The following APOLD1 variants were observed in gnomAD, a reference collection of about 807,000 sequenced individuals.
The protein encoded by APOLD1 is apolipoprotein L domain-containing protein 1.
In APOLD1, 22 loss-of-function variants were observed where a neutral mutation model predicts 15.3. The ratio of observed to expected loss-of-function variants is 1.44; its 90% CI spans 1.03 to 2.05. APOLD1 has a LOEUF of 2.05. APOLD1 is among the 30% of genes most tolerant of loss of function. The pLI, the probability that APOLD1 is intolerant of heterozygous loss-of-function variation, is 0.00. For missense variants in APOLD1, 394 were observed against 353.5 expected, an observed-to-expected ratio of 1.11 and a Z score of -0.92; for synonymous variants, 190 against 167.4, an observed-to-expected ratio of 1.13 and a Z score of -1.04.
chr12:12,735,777 A>G (rs188821558), intron 1 of APOLD1, among the ~76,000 whole-genome samples: 2,105 of 151,592 alleles, frequency 0.014, 21 homozygotes, highest in Non-Finnish European at 0.023. Context: ...CATTTCTACA[A>G]TAAATAAATA....
intron 1 of APOLD1, among the ~76,000 whole-genome samples, chr12:12,776,015 A>C (rs1249236747): frequency 6.6e-6 from 1 of 150,680 alleles, no homozygotes; most frequent in Non-Finnish European, 1.5e-5. Flanking sequence ...AAAAAAAAAA[A>C]AAAAAAAAAA....
chr12:12,740,208 C>T (rs911208965), intron 1 of APOLD1, among the ~76,000 whole-genome samples: 1 of 152,144 alleles, frequency 6.6e-6, no homozygotes, highest in Non-Finnish European at 1.5e-5. Context: ...GTCTTGATCT[C>T]CTGACCTCGT....
At chr12:12,739,999 T>G (rs907443954) in intron 1 of APOLD1, among the ~76,000 whole-genome samples, 296 of 119,648 alleles carry the variant, frequency 2.5e-3, no homozygotes, top group Admixed American at 4.9e-3. Flanking sequence ...TTTTTTTTTT[T>G]GGGATGGAGA....
chr12:12,761,207 T>C (rs1421464900), intron 1 of APOLD1, among the ~76,000 whole-genome samples: 3 of 152,226 alleles, frequency 2.0e-5, no homozygotes, highest in Non-Finnish European at 4.4e-5. Flanking sequence ...GTTCAAACAG[T>C]TAGAAATTGT....
intron 1 of APOLD1, among the ~76,000 whole-genome samples, chr12:12,746,510 A>AATAAATAAATGAATAC (rs57489224): frequency 6.7e-6 from 1 of 149,838 alleles, no homozygotes; most frequent in African/African-American, 2.5e-5. Context: ...TAAATAAATA[A>AATAAATAAATGAATAC]ATAAATACAT....
At chr12:12,765,082 G>T (rs187843683) in intron 1 of APOLD1, among the ~76,000 whole-genome samples, 1 of 152,148 alleles carries the variant, frequency 6.6e-6, no homozygotes, top group South Asian at 2.1e-4. Flanking sequence ...TTATGCAAGG[G>T]AGTGCTGGGA....
chr12:12,785,678 G>A lies in APOLD1; in HGVS notation c.-14G>A. 6.2e-7 allele frequency: 1 copy of A among 1,614,166 alleles called. No individual in the cohort carries two copies. The highest frequency in any genetic ancestry group is 8.5e-7 in the Non-Finnish European group (1 of 1,179,994). ...AGCCTCAGATTTTACTTTCCTGGAG[G>A]CAGACAGAAGTGAATGGTAAGTGGG... is the stretch of plus-strand genomic sequence containing the variant. On this transcript the variant is annotated 5_prime_UTR_variant, in exon 1 of 2. Coordinates refer to ENST00000356591, the MANE Select transcript of APOLD1 (RefSeq NM_030817.3).
At chr12:12,756,236 G>A (rs1439424386) in intron 1 of APOLD1, among the ~76,000 whole-genome samples, 1 of 152,214 alleles carries the variant, frequency 6.6e-6, no homozygotes, top group East Asian at 1.9e-4. Flanking sequence ...GTTAATGCCA[G>A]CAATCGATTT....
In APOLD1 at chr12:12,787,046, C is replaced by T; in HGVS notation, c.141C>T (p.Arg47=). The change falls in exon 2 of 2, where the codon CGC becomes CGT. Residue 47 remains arginine, a synonymous_variant. Transcript: ENST00000356591. The surrounding 1 kb of genome is among the most constrained non-coding windows in gnomAD (Gnocchi z 4.9). The part of the protein sequence containing the change: ...RLREVARRLE[R]LRRRSLVANV... ...GCGAGGTGGCCCGGCGCCTGGAGCG[C>T]CTGCGCAGGCGCTCCCTCGTAGCCA... The T allele has an allele frequency of 7.3e-7, 1 of 1,371,328 alleles. No homozygotes were observed. Among genetic ancestry groups the T allele is most frequent in the African/African-American group, 1.5e-5 (1 of 65,096 alleles). 84.9% of individuals were successfully genotyped at this position (1,371,328 alleles called of 1,614,324 possible).
At chr12:12,725,931 CG>C (rs1490255322) in exon 1 of APOLD1, 14 of 1,293,200 alleles carry the variant, frequency 1.1e-5, no homozygotes, top group East Asian at 2.8e-5. Context: ...TGCAGGCAGG[CG>C]GGGGTGCGCG....
At chr12:12,742,290 C>G (rs1946734145) in intron 1 of APOLD1, among the ~76,000 whole-genome samples, 1 of 152,128 alleles carries the variant, frequency 6.6e-6, no homozygotes, top group Non-Finnish European at 1.5e-5. Context: ...TTGCAACTGT[C>G]AAAGGACATT....
At position 12,757,436 on chromosome 12, in the gene APOLD1, C is replaced by T. The variant is rs550869608; in HGVS notation, c.97-29473C>T. Among the ~76,000 whole-genome samples, 3 of 152,288 alleles carry T rather than the reference C, an allele frequency of 2.0e-5. No individual in the cohort carries two copies. The South Asian group carries it at 6.2e-4, about 32-fold the overall frequency. On this transcript the variant is annotated intron_variant, in intron 1 of 1. Transcript: ENST00000326765. ...AGAGAGGCACATTGAAGAACCAGTC[C>T]AGCCCATGCTTTAAAAAGTAATAAC... is the stretch of plus-strand genomic sequence containing the variant.
rs541672521 is a variant in APOLD1, at chr12:12,786,965, C to T, written c.60C>T (p.Phe20=). 4.8e-6 allele frequency: 7 copies of T among 1,459,130 alleles called. No individual in the cohort carries two copies. In the African/African-American group the frequency reaches 5.9e-5, roughly 12 times the overall value. 90.4% of individuals were successfully genotyped at this position (1,459,130 alleles called of 1,614,324 possible). A position where few individuals can be genotyped will look rare whatever the true frequency, so the allele number is the denominator to read the frequency against. The part of the protein sequence containing the change: ...EPHGPDALRR[F]QGLLLDRRGR... ...ATGGGCCCGACGCGCTGCGGCGCTT[C>T]CAGGGACTGCTGCTGGACCGCCGAG... Residue 20 remains phenylalanine (F), a synonymous_variant, in exon 2 of 2, where the codon TTC becomes TTT. Transcript: ENST00000356591.
chr12:12,728,413 C>T (rs575898346), intron 1 of APOLD1, among the ~76,000 whole-genome samples: 4 of 152,190 alleles, frequency 2.6e-5, no homozygotes, highest in African/African-American at 9.6e-5. Flanking sequence ...CACCTGTAAT[C>T]CGCACACTTT....
rs184139095 is a variant in APOLD1 at position 12,758,653 on chromosome 12, G to A, written c.97-28256G>A. On this transcript the variant is annotated intron_variant, in intron 1 of 1. Coordinates refer to the APOLD1 transcript ENST00000326765. Reference sequence around the variant, plus strand: ...ACAGAAACATTCAATTTATCCATCCGTAAATGTGATGCCTTTTCCACTTCA... The same window carrying A: ...ACAGAAACATTCAATTTATCCATCCATAAATGTGATGCCTTTTCCACTTCA... Among the ~76,000 whole-genome samples the A allele has an allele frequency of 4.1e-3, 627 of 152,192 alleles. 3 individuals are homozygous for A. Among genetic ancestry groups the A allele is most frequent in the African/African-American group, 0.014 (601 of 41,536 alleles).
At chr12:12,754,082 A>T (rs912394623) in intron 1 of APOLD1, among the ~76,000 whole-genome samples, 1 of 151,542 alleles carries the variant, frequency 6.6e-6, no homozygotes, top group Middle Eastern at 3.2e-3. Flanking sequence ...GGGCGCCTGT[A>T]ATCCCAGCTA....
At chr12:12,763,894 G>A (rs540256406) in intron 1 of APOLD1, among the ~76,000 whole-genome samples, 1 of 151,900 alleles carries the variant, frequency 6.6e-6, no homozygotes, top group African/African-American at 2.4e-5. Context: ...ATATGAGATT[G>A]GTAGAATCAT....
At position 12,735,042 on chromosome 12, in the gene APOLD1, T is replaced by C. The variant is rs561737364; in HGVS notation, c.96+8946T>C. 9.2e-5 allele frequency among the ~76,000 whole-genome samples: 14 copies of C among 152,134 alleles called. No homozygotes were observed. In the South Asian group the frequency reaches 2.9e-3, roughly 32 times the overall value. Reference sequence around the variant, plus strand: ...CTGAGGAAGCAAGCAGGGGCTAAAATCGAAACTCTTTCCCCAAGCCAGCCT... The same window carrying C: ...CTGAGGAAGCAAGCAGGGGCTAAAACCGAAACTCTTTCCCCAAGCCAGCCT... On this transcript the variant is annotated intron_variant, in intron 1 of 1. Coordinates refer to the APOLD1 transcript ENST00000326765.
At chr12:12,785,725 G>T in intron 1 of APOLD1, 31 bp downstream of exon 1, 1 of 1,603,332 alleles carries the variant, frequency 6.2e-7, no homozygotes, top group Non-Finnish European at 8.5e-7. Flanking sequence ...CATATATTCG[G>T]GATGACTTTT....
Sources: gnomAD v4.1 joint callset for allele counts (sites outside exome capture counted in the v4.1 genomes callset) on GRCh38, gnomAD v4.1.1 for gene constraint, Gnocchi (gnomAD v3.1) non-coding constraint, MANE v1.5 for transcripts, NCBI Gene and HGNC (gene_info 2026-07-23, HGNC 2026-07-21) for gene names.